DNAJC15: variants seen among roughly 807,000 people sequenced by gnomAD.
The protein encoded by DNAJC15 is dnaJ homolog subfamily C member 15.
Under a neutral mutation model 22.4 loss-of-function variants are expected in DNAJC15, and 27 were observed. The ratio of observed to expected loss-of-function variants is 1.20; its 90% CI spans 0.89 to 1.66. DNAJC15 has a LOEUF of 1.66. DNAJC15 is among the 40% of genes most tolerant of loss of function. The pLI, the probability that DNAJC15 is intolerant of heterozygous loss-of-function variation, is 0.00. For missense variants in DNAJC15, 208 were observed against 187.1 expected, an observed-to-expected ratio of 1.11 and a Z score of -0.65; for synonymous variants, 79 against 63.2, an observed-to-expected ratio of 1.25 and a Z score of -1.19.
At chr13:43,068,801 G>C (rs1424787683) in intron 2 of DNAJC15, 129 bp from the exon 3 acceptor site, 1 of 715,896 alleles carries the variant, frequency 1.4e-6, no homozygotes, top group Non-Finnish European at 2.0e-6. Context: ...CATCTTTCTG[G>C]TAAGTTTTGA....
intron 2 of DNAJC15, among the ~76,000 whole-genome samples, chr13:43,068,537 A>G (rs1171367651): frequency 6.6e-6 from 1 of 152,256 alleles, no homozygotes; most frequent in East Asian, 1.9e-4. Flanking sequence ...ATAAAAAGCA[A>G]TACAATTAAC....
At chr13:43,066,510 C>T (rs144913433) in intron 2 of DNAJC15, among the ~76,000 whole-genome samples, 2,052 of 152,354 alleles carry the variant, frequency 0.013, 44 homozygotes, top group African/African-American at 0.044. Context: ...ATCTCAAGAT[C>T]CTGAACCTAA....
rs1427858898 is a variant in DNAJC15, at chr13:43,024,446, C to T, written c.108+712C>T. Among the ~76,000 whole-genome samples the T allele has an allele frequency of 2.7e-5, 4 of 146,878 alleles. No homozygotes were observed. In the East Asian group the frequency reaches 8.1e-4, roughly 30 times the overall value. Reference sequence around the variant, plus strand: ...GCAAGCTCCGCCTCCCGGTTTCAGGCCATTCTCCTGCCTCAGCCTCCCAAG... The same window carrying T: ...GCAAGCTCCGCCTCCCGGTTTCAGGTCATTCTCCTGCCTCAGCCTCCCAAG... On this transcript the variant is annotated intron_variant, in intron 1 of 5. Transcript: ENST00000379221.
At chr13:43,102,538 G>A (rs1488202866) in intron 5 of DNAJC15, among the ~76,000 whole-genome samples, 1 of 152,170 alleles carries the variant, frequency 6.6e-6, no homozygotes, top group Non-Finnish European at 1.5e-5. Context: ...CACTTTGGGG[G>A]GAGGAGGCTG....
At chr13:43,104,186 G>C (rs1004277935) in intron 5 of DNAJC15, among the ~76,000 whole-genome samples, 2 of 151,932 alleles carry the variant, frequency 1.3e-5, no homozygotes, top group Admixed American at 1.3e-4. Flanking sequence ...GTTCCTTTTT[G>C]CCCCTTCCCA....
Position 43,023,607 on chromosome 13 carries a change from A to AGTCTCCGGGCCGCCTTGC in DNAJC15, c.-19_-2dup. 6.2e-7 allele frequency: 1 copy of AGTCTCCGGGCCGCCTTGC among 1,602,092 alleles called. No individual in the cohort carries two copies. The highest frequency in any genetic ancestry group is 8.5e-7 in the Non-Finnish European group (1 of 1,174,272). On this transcript the variant is annotated 5_prime_UTR_variant, in exon 1 of 6. Coordinates refer to ENST00000379221, the MANE Select transcript of DNAJC15 (RefSeq NM_013238.3). ...TCGTAGTCACTGCCGCGGCGCCTTG[A>AGTCTCCGGGCCGCCTTGC]GTCTCCGGGCCGCCTTGCCATGGCT...
intron 1 of DNAJC15, among the ~76,000 whole-genome samples, chr13:43,058,774 A>G (rs2040543286): frequency 6.6e-6 from 1 of 152,176 alleles, no homozygotes; most frequent in Non-Finnish European, 1.5e-5. Flanking sequence ...AAAGTCAGAA[A>G]TGGCTTCCCT....
In DNAJC15 at chr13:43,107,289, TC is replaced by T. The variant is rs769526825; in HGVS notation, c.*42del. 4 of 1,417,500 alleles carry T rather than the reference TC, an allele frequency of 2.8e-6. No individual in the cohort carries two copies. Among genetic ancestry groups the T allele is most frequent in the Non-Finnish European group, 3.7e-6 (4 of 1,069,734 alleles). The allele number at this position is 1,417,500 out of a possible 1,614,324, so 87.8% of individuals were successfully genotyped here. ...CTGAAGGAAAAAAAAAGAGGGGACT[TC>T]GAAAAAAAAAAAAGCCCTGCAAAAT... On this transcript the variant is annotated 3_prime_UTR_variant, in exon 6 of 6. Coordinates refer to ENST00000379221, the MANE Select transcript of DNAJC15 (RefSeq NM_013238.3).
chr13:43,081,525 G>T (rs1040742757), intron 4 of DNAJC15, among the ~76,000 whole-genome samples: 1 of 151,410 alleles, frequency 6.6e-6, no homozygotes, highest in Non-Finnish European at 1.5e-5. Flanking sequence ...TGCAAGCTGC[G>T]CCTCCCAGGT....
chr13:43,031,580 G>A (rs1418251682), intron 1 of DNAJC15, among the ~76,000 whole-genome samples: 1 of 152,196 alleles, frequency 6.6e-6, no homozygotes, highest in East Asian at 1.9e-4. Flanking sequence ...AGTGATGATA[G>A]CTGAACTGTT....
At position 43,109,407 on chromosome 13, in the gene DNAJC15, A is replaced by C. The variant is rs1476867164; in HGVS notation, c.*2159A>C. The C allele has an allele frequency of 6.6e-6, 1 of 152,198 alleles. No homozygotes were observed. The highest frequency in any genetic ancestry group is 1.5e-5 in the Non-Finnish European group (1 of 68,022). 9.4% of individuals were successfully genotyped at this position (152,198 alleles called of 1,614,324 possible). A position where few individuals can be genotyped will look rare whatever the true frequency, so the allele number is the denominator to read the frequency against. The stretch of plus-strand genomic sequence containing the variant: ...AAAATGTTGCTGTTTTCTGAATACT[A>C]TGCATCAAAAAATGTTACCACTAAT... On this transcript the variant is annotated 3_prime_UTR_variant, in exon 6 of 6. Coordinates refer to ENST00000379221, the MANE Select transcript of DNAJC15 (RefSeq NM_013238.3).
chr13:43,091,533 T>C lies in DNAJC15; in HGVS notation c.382+5695T>C, dbSNP rs536163305. ...TTACAAATGGGTTCATAATATCTTC[T>C]TATTACCTTGGTAATGTTTGTAATT... On this transcript the variant is annotated intron_variant, in intron 5 of 5. Coordinates refer to ENST00000379221, the MANE Select transcript of DNAJC15 (RefSeq NM_013238.3). Among the ~76,000 whole-genome samples, 9 of 152,382 alleles carry C rather than the reference T, an allele frequency of 5.9e-5. No individual in the cohort carries two copies. In the South Asian group the frequency reaches 1.7e-3, roughly 28 times the overall value.
chr13:43,042,928 C>G (rs1318324292), intron 1 of DNAJC15, among the ~76,000 whole-genome samples: 5 of 152,120 alleles, frequency 3.3e-5, no homozygotes, highest in African/African-American at 1.2e-4. Context: ...AATTAACTGT[C>G]ACCATGTTCC....
chr13:43,074,514 A>G (rs1380859303), intron 3 of DNAJC15, among the ~76,000 whole-genome samples: 1 of 152,126 alleles, frequency 6.6e-6, no homozygotes, highest in East Asian at 1.9e-4. Context: ...ATTTTCTTTG[A>G]CCTACCACAG....
chr13:43,060,092 G>T (rs569045151), intron 1 of DNAJC15, among the ~76,000 whole-genome samples: 3 of 152,298 alleles, frequency 2.0e-5, no homozygotes, highest in African/African-American at 7.2e-5. Flanking sequence ...TGGGCTCAGG[G>T]ACCTGACATT....
At position 43,107,256 on chromosome 13, in the gene DNAJC15, G is replaced by A. The variant is rs370731770; in HGVS notation, c.*8G>A. The A allele has an allele frequency of 1.9e-6, 3 of 1,542,568 alleles. No homozygotes were observed. The highest frequency in any genetic ancestry group is 2.6e-6 in the Non-Finnish European group (3 of 1,154,034). On this transcript the variant is annotated 3_prime_UTR_variant, in exon 6 of 6. Transcript: ENST00000379221. ...ACAACCACCAAACATTGATGCTTAA[G>A]GACCACACTGAAGGAAAAAAAAAGA...
intron 5 of DNAJC15, among the ~76,000 whole-genome samples, chr13:43,091,349 A>G (rs908603128): frequency 1.3e-5 from 2 of 152,194 alleles, no homozygotes; most frequent in South Asian, 2.1e-4. Context: ...TGGCCTCCCA[A>G]AGTGCTGGGA....
chr13:43,061,420 C>T (rs779977969), intron 1 of DNAJC15, among the ~76,000 whole-genome samples: 3 of 152,090 alleles, frequency 2.0e-5, no homozygotes, highest in Admixed American at 2.0e-4. Context: ...TCAGCATAAG[C>T]GTTGTCCTGA....
chr13:43,099,841 T>C (rs1209028922), intron 5 of DNAJC15, among the ~76,000 whole-genome samples: 1 of 152,150 alleles, frequency 6.6e-6, no homozygotes, highest in African/African-American at 2.4e-5. Context: ...TTTGCTAGTA[T>C]TGTGTTTTAG....
Sources: gnomAD v4.1 joint callset for allele counts (sites outside exome capture counted in the v4.1 genomes callset) on GRCh38, gnomAD v4.1.1 for gene constraint, MANE v1.5 for transcripts, NCBI Gene and HGNC (gene_info 2026-07-23, HGNC 2026-07-21) for gene names.